PRKDC: variants seen among roughly 807,000 people sequenced by gnomAD.
PRKDC encodes DNA-dependent protein kinase catalytic subunit.
In PRKDC, 82 loss-of-function variants were observed where a neutral mutation model predicts 486.9. The observed-to-expected ratio is 0.17, with a 90% CI of 0.14 to 0.20. The LOEUF is 0.20. Among genes scored for constraint, PRKDC ranks in the 10% least tolerant of loss-of-function variants. The pLI, the probability that PRKDC is intolerant of heterozygous loss-of-function variation, is 1.00. For missense variants in PRKDC, 4,504 were observed against 5,038.2 expected, an observed-to-expected ratio of 0.89 and a Z score of 3.21; for synonymous variants, 1,895 against 1,837.0, an observed-to-expected ratio of 1.03 and a Z score of -0.81.
At chr8:47,793,683 T>TAAAAAAAAAAAAAAAAAAA (rs397892514) in intron 74 of PRKDC, among the ~76,000 whole-genome samples, 1 of 72,810 alleles carries the variant, frequency 1.4e-5, no homozygotes, top group Non-Finnish European at 2.9e-5. Flanking sequence ...TTAAAAAAAC[T>TAAAAAAAAAAAAAAAAAAA]AAAAAAAAAA....
intron 51 of PRKDC, among the ~76,000 whole-genome samples, chr8:47,853,600 C>T (rs761778284): frequency 3.9e-5 from 6 of 152,174 alleles, no homozygotes; most frequent in Non-Finnish European, 8.8e-5. Context: ...TGCAGCCCAG[C>T]GTCTACCAGC....
At chr8:47,864,798 T>C (rs1589751894) in intron 40 of PRKDC, 35 bp from the exon 41 acceptor site, 3 of 1,486,984 alleles carry the variant, frequency 2.0e-6, no homozygotes, top group Non-Finnish European at 1.8e-6. Context: ...TGAACATCCC[T>C]GCTTTGAAGA....
chr8:47,862,025 T>C (rs757753837), intron 44 of PRKDC, 37 bp downstream of exon 44: 22 of 1,489,874 alleles, frequency 1.5e-5, no homozygotes, highest in East Asian at 1.2e-4. Flanking sequence ...TTGTGAGCAC[T>C]TGATAAGTTT....
Position 47,778,644 on chromosome 8 carries a change from T to C in PRKDC, c.11668A>G (p.Met3890Val). 1 of 1,613,430 alleles carries C rather than the reference T, an allele frequency of 6.2e-7. No homozygotes were observed. The highest frequency in any genetic ancestry group is 8.5e-7 in the Non-Finnish European group (1 of 1,179,660). ...AGGAAAGCCTCAGGGCTTGTACTCA[T>C]CCTCACGAAGGCCCGCCTACAAAAG... ...ADLLKRAFVR[M>V]STSPEAFLAL... Residue 3890 changes from methionine (M) to valine (V), a missense_variant, in exon 83 of 86, where the codon ATG (methionine) becomes GTG (valine). Around this residue, in one of 6 missense-constraint regions of PRKDC, gnomAD observed 706 missense variants for 945.0 expected, o/e 0.75. Coordinates refer to ENST00000314191, the MANE Select transcript of PRKDC (RefSeq NM_006904.7).
rs1208944288 is a variant in PRKDC, at chr8:47,828,355, A to C, written c.8398-8T>G. 6.5e-7 allele frequency: 1 copy of C among 1,544,652 alleles called. No individual in the cohort carries two copies. The highest frequency in any genetic ancestry group is 1.4e-5 in the African/African-American group (1 of 72,292). On this transcript the variant is annotated splice_region_variant and splice_polypyrimidine_tract_variant and intron_variant, in intron 61 of 85. Coordinates refer to ENST00000314191, the MANE Select transcript of PRKDC (RefSeq NM_006904.7). The stretch of plus-strand genomic sequence containing the variant: ...TGCAATTATTGGGTCCCTCTGTAAA[A>C]AATTCAAAACAAAGACAAATTAGGA...
intron 40 of PRKDC, among the ~76,000 whole-genome samples, chr8:47,871,492 T>C (rs998922412): frequency 1.3e-5 from 2 of 152,232 alleles, no homozygotes; most frequent in Non-Finnish European, 2.9e-5. Context: ...CCAATAAAAA[T>C]ATCCTTCAAG....
Position 47,857,251 on chromosome 8 carries a change from C to A in PRKDC, c.6514G>T (p.Ala2172Ser), listed in dbSNP as rs371395315. 1 of 1,613,756 alleles carries A rather than the reference C, an allele frequency of 6.2e-7. No homozygotes were observed. The highest frequency in any genetic ancestry group is 1.3e-5 in the African/African-American group (1 of 74,932). The change falls in exon 49 of 86, where the codon GCT becomes TCT. Residue 2172 changes from alanine to serine, a missense_variant. Physicochemically the swap from Ala to Ser is moderately conservative, Grantham distance 99. Transcript: ENST00000314191. ...KHWLSPLLQLAASENNGGEGI... is the reference protein window; with the variant it reads ...KHWLSPLLQLSASENNGGEGI... ...TCTCCTCCATTGTTTTCAGAAGCAGCCAGCTGCAGCAAGGGGCTAAGCCAG... is the reference window on the plus strand; with the variant it reads ...TCTCCTCCATTGTTTTCAGAAGCAGACAGCTGCAGCAAGGGGCTAAGCCAG...
chr8:47,882,655 T>C (rs899576465), intron 36 of PRKDC, among the ~76,000 whole-genome samples: 1 of 152,122 alleles, frequency 6.6e-6, no homozygotes, highest in Non-Finnish European at 1.5e-5. Context: ...TCAACTACCA[T>C]CATACATGCA....
At position 47,927,887 on chromosome 8, in the gene PRKDC, C is replaced by T. The variant is rs776400735; in HGVS notation, c.2143G>A (p.Ala715Thr). Residue 715 changes from alanine (A) to threonine (T), a missense_variant, in exon 20 of 86, where the codon GCA (alanine) becomes ACA (threonine). By Grantham distance (58) the Ala-to-Thr change is moderately conservative. Around this residue, in one of 6 missense-constraint regions of PRKDC, gnomAD observed 1,969 missense variants for 2,068.9 expected, o/e 0.95. Transcript: ENST00000314191. ...ALFVKFGKEV[A>T]VKMKQYKDEL... ...TCTTTGTACTGCTTCATTTTAACTG[C>T]CACCTTAACAAGAAAGAAGACAGTA... The T allele has an allele frequency of 1.4e-5, 22 of 1,561,232 alleles. No individual in the cohort carries two copies. In the African/African-American group the frequency reaches 2.6e-4, roughly 19 times the overall value.
At chr8:47,893,482 T>G in intron 30 of PRKDC, 95 bp from the exon 31 acceptor site, 3 of 1,270,900 alleles carry the variant, frequency 2.4e-6, no homozygotes, top group Non-Finnish European at 2.1e-6. Context: ...TGGGACAATC[T>G]TTTTTCATTT....
chr8:47,834,791 C>T (rs374519899), intron 58 of PRKDC, among the ~76,000 whole-genome samples: 12 of 149,384 alleles, frequency 8.0e-5, no homozygotes, highest in African/African-American at 2.3e-4. Flanking sequence ...CCCGGGTTCA[C>T]GCCATTCTCC....
intron 73 of PRKDC, among the ~76,000 whole-genome samples, chr8:47,797,987 C>T (rs1043462116): frequency 3.3e-5 from 5 of 152,218 alleles, no homozygotes; most frequent in East Asian, 1.9e-4. Flanking sequence ...CCACACACCC[C>T]GTCTCCATCT....
chr8:47,839,905 A>T, intron 55 of PRKDC, 111 bp downstream of exon 55: 1 of 759,092 alleles, frequency 1.3e-6, no homozygotes, highest in Non-Finnish European at 2.0e-6. Context: ...GCCCAGGAGG[A>T]GGTTGAGACT....
intron 40 of PRKDC, among the ~76,000 whole-genome samples, chr8:47,874,639 G>T (rs1449543730): frequency 6.6e-6 from 1 of 151,966 alleles, no homozygotes; most frequent in Middle Eastern, 3.4e-3. Flanking sequence ...TGTGCCTGTA[G>T]TCTCAGCTAC....
intron 54 of PRKDC, among the ~76,000 whole-genome samples, chr8:47,841,011 TGAAG>T (rs2088127975): frequency 6.6e-6 from 1 of 152,088 alleles, no homozygotes; most frequent in Admixed American, 6.5e-5. Flanking sequence ...ACACTGAGGC[TGAAG>T]AGGGAGGAAG....
intron 71 of PRKDC, among the ~76,000 whole-genome samples, chr8:47,799,796 T>A (rs560717356): frequency 6.6e-6 from 1 of 152,034 alleles, no homozygotes; most frequent in Admixed American, 6.6e-5. Context: ...ACATAGTGAA[T>A]GAGACGGAAG....
At chr8:47,871,081 G>A (rs1231340727) in intron 40 of PRKDC, among the ~76,000 whole-genome samples, 1 of 152,132 alleles carries the variant, frequency 6.6e-6, no homozygotes, top group Non-Finnish European at 1.5e-5. Context: ...ATACCTACAA[G>A]ATCTAGAAAA....
intron 58 of PRKDC, 131 bp from the exon 59 acceptor site, chr8:47,834,527 T>C (rs967480149): frequency 8.9e-6 from 8 of 900,764 alleles, no homozygotes; most frequent in Non-Finnish European, 1.2e-5. Flanking sequence ...GGGCAGAGGC[T>C]CTGTCAGGTC....
At chr8:47,875,806 C>G (rs570639596) in intron 40 of PRKDC, among the ~76,000 whole-genome samples, 1 of 152,112 alleles carries the variant, frequency 6.6e-6, no homozygotes, top group Non-Finnish European at 1.5e-5. Flanking sequence ...TTTATCAAGA[C>G]TTGTTTTTAT....
Sources: gnomAD v4.1 joint callset for allele counts (sites outside exome capture counted in the v4.1 genomes callset) on GRCh38, gnomAD v4.1.1 for gene constraint, gnomAD v4.1.1 regional missense constraint, MANE v1.5 for transcripts, NCBI Gene and HGNC (gene_info 2026-07-23, HGNC 2026-07-21) for gene names.